Variants in LEKR1 observed in about 807,000 individuals in gnomAD.
LEKR1 encodes protein LEKR1.
A neutral mutation model predicts 72.4 loss-of-function variants in LEKR1; 59 were observed. That is an observed-to-expected ratio of 0.82 (90% CI 0.66 to 1.01). The LOEUF (loss-of-function observed/expected upper bound fraction) is 1.01, where lower values mean the gene tolerates loss of function less well. Ranked by LOEUF, LEKR1 falls within the 50% of genes least tolerant of loss-of-function variation. LEKR1 has a pLI of 0.00. For missense variants in LEKR1, 728 were observed against 759.2 expected (o/e 0.96, Z 0.48); for synonymous variants, 257 against 263.2 (o/e 0.98, Z 0.23).
intron 6 of LEKR1, among the ~76,000 whole-genome samples, chr3:156,966,981 G>C (rs573163134): frequency 1.3e-5 from 2 of 152,290 alleles, no homozygotes; most frequent in African/African-American, 4.8e-5. Flanking sequence ...AATATATGCT[G>C]TTCTGCAGCC....
In LEKR1 at chr3:156,968,384, T is replaced by A. The variant is rs1489673576; in HGVS notation, c.746-10810T>A. Reference sequence around the variant, plus strand: ...GTGTGCTGTATTCAGGAAACCCATCTCACATGCAGAGACACACATAGGCTC... The same window carrying A: ...GTGTGCTGTATTCAGGAAACCCATCACACATGCAGAGACACACATAGGCTC... On this transcript the variant is annotated intron_variant, in intron 6 of 12. Coordinates refer to ENST00000356539, the MANE Select transcript of LEKR1 (RefSeq NM_001004316.3). Among the ~76,000 whole-genome samples, 7 of 152,212 alleles carry A rather than the reference T, an allele frequency of 4.6e-5. 1 individual carries two copies. The highest frequency in any genetic ancestry group is 8.8e-5 in the Non-Finnish European group (6 of 68,014).
chr3:156,926,201 T>C (rs112687940), intron 4 of LEKR1, among the ~76,000 whole-genome samples: 37 of 152,028 alleles, frequency 2.4e-4, no homozygotes, highest in African/African-American at 8.0e-4. Context: ...ATACAAATCA[T>C]AATATACTAC....
intron 5 of LEKR1, among the ~76,000 whole-genome samples, chr3:156,932,616 G>A (rs1445029911): frequency 6.6e-6 from 1 of 151,326 alleles, no homozygotes; most frequent in Non-Finnish European, 1.5e-5. Context: ...GGGAGGCTGA[G>A]GCATGAGAAT....
chr3:156,981,937 G>C (rs972066459), intron 7 of LEKR1, among the ~76,000 whole-genome samples: 1 of 152,114 alleles, frequency 6.6e-6, no homozygotes, highest in South Asian at 2.1e-4. Flanking sequence ...TATTCTTTGT[G>C]GGGGCTGGGA....
intron 5 of LEKR1, among the ~76,000 whole-genome samples, chr3:156,929,477 G>A (rs527628012): frequency 9.2e-5 from 14 of 152,216 alleles, no homozygotes; most frequent in Non-Finnish European, 1.8e-4. Context: ...TCTCCATGAA[G>A]TCAGAATGAG....
At position 156,886,047 on chromosome 3, in the gene LEKR1, A is replaced by G. The variant is rs116691825; in HGVS notation, c.263+33065A>G. 3.2e-3 allele frequency among the ~76,000 whole-genome samples: 495 copies of G among 152,322 alleles called. 3 individuals are homozygous for G. Among genetic ancestry groups the G allele is most frequent in the Non-Finnish European group, 3.0e-3 (202 of 68,032 alleles). ...AAGAGTTTCTGTGTTTTGTGTTCAG[A>G]TACCAGGGCTGTAGGAAAATATCAT... is the stretch of plus-strand genomic sequence containing the variant. On this transcript the variant is annotated intron_variant, in intron 3 of 12. Transcript: ENST00000356539.
At chr3:156,994,610 T>TA (rs1241819332) in intron 9 of LEKR1, among the ~76,000 whole-genome samples, 1 of 152,018 alleles carries the variant, frequency 6.6e-6, no homozygotes, top group Non-Finnish European at 1.5e-5. Context: ...GGCTTATTAA[T>TA]AAAAAAAGGA....
chr3:156,889,431 T>C (rs761608703), intron 3 of LEKR1, among the ~76,000 whole-genome samples: 5 of 152,132 alleles, frequency 3.3e-5, no homozygotes, highest in Non-Finnish European at 7.4e-5. Context: ...GGTGCTAGAA[T>C]ATTAAGTGGT....
chr3:156,974,276 A>G (rs1352627693), intron 6 of LEKR1, among the ~76,000 whole-genome samples: 1 of 152,186 alleles, frequency 6.6e-6, no homozygotes, highest in African/African-American at 2.4e-5. Context: ...AAGAGTCAAA[A>G]TGAGACTTGT....
chr3:156,872,372 T>C (rs1434460817), intron 3 of LEKR1, among the ~76,000 whole-genome samples: 1 of 152,064 alleles, frequency 6.6e-6, no homozygotes, highest in African/African-American at 2.4e-5. Context: ...TTTGTTTATC[T>C]TGTCAAAATA....
intron 3 of LEKR1, chr3:156,888,370 C>T: frequency 2.8e-6 from 2 of 702,326 alleles, no homozygotes; most frequent in East Asian, 5.4e-5. Flanking sequence ...GCCAGATCTA[C>T]AACATTCTGT....
chr3:156,978,262 A>G (rs934185805), intron 6 of LEKR1, among the ~76,000 whole-genome samples: 2 of 152,230 alleles, frequency 1.3e-5, no homozygotes, highest in Admixed American at 6.5e-5. Context: ...AAAGTTAAGA[A>G]TGCCGATTTA....
chr3:157,035,850 A>G (rs946932851), intron 12 of LEKR1, among the ~76,000 whole-genome samples: 1 of 152,204 alleles, frequency 6.6e-6, no homozygotes, highest in Non-Finnish European at 1.5e-5. Flanking sequence ...AGTAGCGGAG[A>G]TCACACCACT....
intron 7 of LEKR1, among the ~76,000 whole-genome samples, chr3:156,983,633 C>T (rs1730422142): frequency 6.6e-6 from 1 of 152,080 alleles, no homozygotes; most frequent in Non-Finnish European, 1.5e-5. Context: ...ACCCTACAAT[C>T]AGCCCTGTGT....
rs1476746767 is a variant in LEKR1, at chr3:156,898,931, C to T, written c.264-21644C>T. On this transcript the variant is annotated intron_variant, in intron 3 of 12. Transcript: ENST00000356539. Reference sequence around the variant, plus strand: ...TCAAAAGGTTTAAATGAAAAAACATCTATAAAACATGTTGCATAGAGCCTT... The same window carrying T: ...TCAAAAGGTTTAAATGAAAAAACATTTATAAAACATGTTGCATAGAGCCTT... Among the ~76,000 whole-genome samples, 3 of 152,104 alleles carry T rather than the reference C, an allele frequency of 2.0e-5. No homozygotes were observed. The East Asian group carries it at 5.8e-4, about 29-fold the overall frequency.
intron 10 of LEKR1, among the ~76,000 whole-genome samples, chr3:157,012,705 G>A (rs1027429773): frequency 2.6e-5 from 4 of 151,986 alleles, no homozygotes; most frequent in Non-Finnish European, 5.9e-5. Context: ...GTACCACATG[G>A]GCCAAAACAA....
At chr3:156,898,651 A>C (rs1721447635) in intron 3 of LEKR1, among the ~76,000 whole-genome samples, 1 of 152,186 alleles carries the variant, frequency 6.6e-6, no homozygotes. Context: ...AAAATCTCTT[A>C]GAAGCATTAC....
chr3:157,033,354 T>A (rs1734752899), intron 12 of LEKR1, among the ~76,000 whole-genome samples: 1 of 152,202 alleles, frequency 6.6e-6, no homozygotes, highest in African/African-American at 2.4e-5. Context: ...GAAAAGTTCT[T>A]GAAGGCAATA....
At chr3:156,915,396 A>G (rs1723529061) in intron 3 of LEKR1, among the ~76,000 whole-genome samples, 1 of 151,460 alleles carries the variant, frequency 6.6e-6, no homozygotes, top group African/African-American at 2.4e-5. Flanking sequence ...TTCCTTTTCT[A>G]CATAACCTTG....
Sources: gnomAD v4.1 joint callset for allele counts (sites outside exome capture counted in the v4.1 genomes callset) on GRCh38, gnomAD v4.1.1 for gene constraint, MANE v1.5 for transcripts, NCBI Gene and HGNC (gene_info 2026-07-23, HGNC 2026-07-21) for gene names.